Variants in GARRE1 observed in about 807,000 individuals in gnomAD.
GARRE1 encodes granule associated Rac and RHOG effector 1.
In GARRE1, 49 loss-of-function variants were observed where a neutral mutation model predicts 103.2. The observed-to-expected ratio is 0.47, with a 90% CI of 0.38 to 0.60. The LOEUF (loss-of-function observed/expected upper bound fraction) is 0.60, where lower values mean the gene tolerates loss of function less well. GARRE1 is among the 20% of genes least tolerant of loss of function. GARRE1 has a pLI of 0.00. For synonymous variants in GARRE1, 505 were observed against 532.8 expected (o/e 0.95, Z 0.72); for missense variants, 1,199 against 1,370.5 (o/e 0.87, Z 1.98).
intron 10 of GARRE1, among the ~76,000 whole-genome samples, chr19:34,346,755 T>G (rs978315511): frequency 1.3e-5 from 2 of 152,128 alleles, no homozygotes; most frequent in Admixed American, 1.3e-4. Context: ...TAGCTTGGAT[T>G]ACAGGTGCCT....
At chr19:34,325,273 C>T (rs1181903450) in intron 3 of GARRE1, among the ~76,000 whole-genome samples, 1 of 152,174 alleles carries the variant, frequency 6.6e-6, no homozygotes, top group African/African-American at 2.4e-5. Flanking sequence ...GACTGAAAAA[C>T]CACCTGTGTC....
At chr19:34,301,437 C>T (rs575321699) in intron 2 of GARRE1, among the ~76,000 whole-genome samples, 1 of 149,728 alleles carries the variant, frequency 6.7e-6, no homozygotes, top group African/African-American at 2.5e-5. Flanking sequence ...TTGCTTGAGC[C>T]CAGGAGTTTG....
In GARRE1 at chr19:34,349,124, T is replaced by C; in HGVS notation, c.2796T>C (p.Pro932=). The C allele has an allele frequency of 6.2e-7, 1 of 1,612,834 alleles. No homozygotes were observed. Among genetic ancestry groups the C allele is most frequent in the Non-Finnish European group, 8.5e-7 (1 of 1,180,026 alleles). Residue 932 remains proline (P), a synonymous_variant, in exon 12 of 14, where the codon CCT becomes CCC. Coordinates refer to ENST00000299505, the MANE Select transcript of GARRE1 (RefSeq NM_014686.5). ...GCTTGTTCTCCATGTTTTCAGGGCC[T>C]GACCTCGTTGCTGCTGTCAAGCAGA... ...GDSLFSMFSG[P]DLVAAVKQRR...
At chr19:34,273,205 A>AAAAT (rs1177611390) in intron 1 of GARRE1, among the ~76,000 whole-genome samples, 1 of 152,204 alleles carries the variant, frequency 6.6e-6, no homozygotes, top group South Asian at 2.1e-4. Flanking sequence ...TCCTGTCTTG[A>AAAAT]AAATAAATAA....
intron 1 of GARRE1, chr19:34,265,735 A>G (rs915877339): frequency 1.3e-5 from 2 of 152,230 alleles, no homozygotes; most frequent in Non-Finnish European, 2.9e-5. Flanking sequence ...ATGAAATGCT[A>G]TCTTCTTACT....
intron 1 of GARRE1, among the ~76,000 whole-genome samples, chr19:34,278,860 CAG>C (rs1329881963): frequency 6.6e-6 from 1 of 152,060 alleles, no homozygotes; most frequent in Non-Finnish European, 1.5e-5. Context: ...TTTGTAGAGA[CAG>C]GGTCTCGCCA....
intron 3 of GARRE1, 52 bp downstream of exon 3, chr19:34,320,168 C>A: frequency 6.7e-7 from 1 of 1,489,310 alleles, no homozygotes; most frequent in South Asian, 1.1e-5. Context: ...GGAGAGGCTC[C>A]AGAGGGCCTT....
chr19:34,352,969 AGCCTGCCTGCCT>A lies in GARRE1; in HGVS notation c.*26_*37del, dbSNP rs72121022. The stretch of plus-strand genomic sequence containing the variant: ...CCCCAGTACTGACCCCAGGCCAGCC[AGCCTGCCTGCCT>A]GCCTGCCTGCCCGCCCAGAGCTGTG... On this transcript the variant is annotated 3_prime_UTR_variant, in exon 14 of 14. Transcript: ENST00000299505. The A allele has an allele frequency of 1.0e-5, 15 of 1,488,546 alleles. No individual in the cohort carries two copies. The Middle Eastern group carries it at 7.3e-4, about 72-fold the overall frequency. The allele number at this position is 1,488,546 out of a possible 1,614,324, so 92.2% of individuals were successfully genotyped here.
chr19:34,348,064 G>C (rs755905863), intron 11 of GARRE1, 22 bp downstream of exon 11: 12 of 1,396,416 alleles, frequency 8.6e-6, no homozygotes, highest in Admixed American at 5.6e-5. Flanking sequence ...GTACTTCAGG[G>C]AATCTGAGCT....
chr19:34,260,092 G>A (rs1003481033), intron 1 of GARRE1, among the ~76,000 whole-genome samples: 5 of 152,174 alleles, frequency 3.3e-5, no homozygotes, highest in African/African-American at 1.2e-4. Context: ...GGTGAGAACA[G>A]ACTAATAAAC....
chr19:34,286,892 T>C (rs1406267121), intron 1 of GARRE1, among the ~76,000 whole-genome samples: 1 of 152,146 alleles, frequency 6.6e-6, no homozygotes, highest in Non-Finnish European at 1.5e-5. Context: ...CTTGTGGCTG[T>C]CAGCAGATTT....
intron 2 of GARRE1, among the ~76,000 whole-genome samples, chr19:34,301,686 T>G (rs2073979899): frequency 7.0e-6 from 1 of 142,622 alleles, no homozygotes; most frequent in Non-Finnish European, 1.5e-5. Context: ...ATTTGTGGAT[T>G]TTTTTTTTTT....
At chr19:34,256,697 C>G (rs1056486824) in intron 1 of GARRE1, among the ~76,000 whole-genome samples, 2 of 151,914 alleles carry the variant, frequency 1.3e-5, no homozygotes, top group Non-Finnish European at 2.9e-5. Context: ...ATATTTTAGA[C>G]TAAAAGTTCT....
intron 1 of GARRE1, among the ~76,000 whole-genome samples, chr19:34,259,822 A>G (rs2073704311): frequency 6.6e-6 from 1 of 152,128 alleles, no homozygotes; most frequent in African/African-American, 2.4e-5. Context: ...AATGGGAGGT[A>G]ATTTAATCAT....
chr19:34,279,375 G>A (rs968324492), intron 1 of GARRE1, among the ~76,000 whole-genome samples: 3 of 151,750 alleles, frequency 2.0e-5, no homozygotes, highest in Admixed American at 6.6e-5. Context: ...TTGCGATCTC[G>A]GCTCACTGCA....
intron 1 of GARRE1, among the ~76,000 whole-genome samples, chr19:34,293,743 C>CACACACACACACACAT (rs902253324): frequency 2.6e-5 from 3 of 113,460 alleles, no homozygotes; most frequent in African/African-American, 1.0e-4. Flanking sequence ...CACACACACA[C>CACACACACACACACAT]ATATTTCTTT....
intron 1 of GARRE1, among the ~76,000 whole-genome samples, chr19:34,264,806 A>T (rs2073741893): frequency 6.6e-6 from 1 of 152,060 alleles, no homozygotes; most frequent in Admixed American, 6.6e-5. Context: ...CTCTGCCTTG[A>T]TGTTTGGAAT....
intron 1 of GARRE1, among the ~76,000 whole-genome samples, chr19:34,297,063 G>T (rs1034161133): frequency 6.6e-6 from 1 of 152,184 alleles, no homozygotes; most frequent in South Asian, 2.1e-4. Context: ...GAGGTGGGTG[G>T]ATCACTTGAG....
At chr19:34,351,419 C>G in intron 12 of GARRE1, 95 bp from the exon 13 acceptor site, 1 of 956,134 alleles carries the variant, frequency 1.0e-6, no homozygotes, top group Non-Finnish European at 1.7e-6. Flanking sequence ...AGAACCAGGG[C>G]CTGGAGATGC....
Sources: allele counts gnomAD v4.1 joint callset (sites outside exome capture counted in the v4.1 genomes callset), GRCh38; gene constraint gnomAD v4.1.1; transcripts MANE v1.5; gene names NCBI Gene and HGNC (gene_info 2026-07-23, HGNC 2026-07-21).